The following CDH7 variants were observed in gnomAD, a reference collection of about 807,000 sequenced individuals.
CDH7 encodes cadherin-7.
In CDH7, 25 loss-of-function variants were observed where a neutral mutation model predicts 71.8. The observed-to-expected ratio is 0.35, with a 90% CI of 0.25 to 0.49. The LOEUF (loss-of-function observed/expected upper bound fraction) is 0.49, where lower values mean the gene tolerates loss of function less well. Among genes scored for constraint, CDH7 ranks in the 20% least tolerant of loss-of-function variants. CDH7 has a pLI of 0.99. For missense variants in CDH7, 862 were observed against 974.6 expected, an observed-to-expected ratio of 0.88 and a Z score of 1.54; for synonymous variants, 381 against 363.8, an observed-to-expected ratio of 1.05 and a Z score of -0.54.
At chr18:65,834,453 G>A (rs1168639368) in intron 6 of CDH7, among the ~76,000 whole-genome samples, 1 of 152,122 alleles carries the variant, frequency 6.6e-6, no homozygotes. Flanking sequence ...GAAGGCTTTA[G>A]ACATTTCTTG....
intron 7 of CDH7, among the ~76,000 whole-genome samples, chr18:65,855,634 C>A (rs2333464): frequency 0.62 from 94,793 of 151,900 alleles, 31,938 homozygotes; most frequent in East Asian, 0.92. Context: ...ATATCCAAGC[C>A]CAGATAGCTT....
intron 10 of CDH7, 111 bp from the exon 11 acceptor site, chr18:65,862,555 C>T: frequency 9.2e-7 from 1 of 1,087,130 alleles, no homozygotes; most frequent in East Asian, 2.4e-5. Flanking sequence ...TCTGCAACTC[C>T]AGAGATTTCC....
At chr18:65,806,766 C>G (rs999847663) in intron 2 of CDH7, among the ~76,000 whole-genome samples, 2 of 152,136 alleles carry the variant, frequency 1.3e-5, no homozygotes, top group Non-Finnish European at 2.9e-5. Context: ...CTCTTCTTTG[C>G]TGAGCACTCT....
chr18:65,759,550 C>G (rs1449726424), intron 1 of CDH7, among the ~76,000 whole-genome samples: 1 of 151,988 alleles, frequency 6.6e-6, no homozygotes, highest in Non-Finnish European at 1.5e-5. Context: ...CCACACCCGG[C>G]CCCCATTATC....
intron 2 of CDH7, among the ~76,000 whole-genome samples, chr18:65,775,209 A>C (rs896758863): frequency 6.6e-6 from 1 of 152,180 alleles, no homozygotes; most frequent in African/African-American, 2.4e-5. Context: ...ATGCCAGTGC[A>C]TAGAGAGGAA....
chr18:65,862,650 G>A lies in CDH7; in HGVS notation c.1613-16G>A. 1 of 1,611,074 alleles carries A rather than the reference G, an allele frequency of 6.2e-7. No individual in the cohort carries two copies. Among genetic ancestry groups the A allele is most frequent in the Non-Finnish European group, 8.5e-7 (1 of 1,177,804 alleles). On this transcript the variant is annotated splice_polypyrimidine_tract_variant and intron_variant, in intron 10 of 11. Transcript: ENST00000397968. Reference sequence around the variant, plus strand: ...ATCAGAAATCTGGTGTTATACATTTGCTTTCGTTATCCTAGACAACACAGC... The same window carrying A: ...ATCAGAAATCTGGTGTTATACATTTACTTTCGTTATCCTAGACAACACAGC...
chr18:65,824,370 A>T (rs144511250), intron 5 of CDH7, among the ~76,000 whole-genome samples: 311 of 151,772 alleles, frequency 2.0e-3, no homozygotes, highest in African/African-American at 6.3e-3. Flanking sequence ...TCAGTGTAGG[A>T]TATTTCTCAC....
In CDH7 at chr18:65,885,372, G is replaced by GTTTTTTCTCTTTTTTT. The variant is rs1914342514; in HGVS notation, c.*4484_*4485insCTCTTTTTTTTTTTTT. Reference sequence around the variant, plus strand: ...GTAACTGAAAAGGATGTGTGCCTGTGTTTTTTTTTTTTTTTTTTTTTTTGA... The same window carrying GTTTTTTCTCTTTTTTT: ...GTAACTGAAAAGGATGTGTGCCTGTGTTTTTTCTCTTTTTTTTTTTTTTTTTTTTTTTTTTTTTTGA... On this transcript the variant is annotated 3_prime_UTR_variant, in exon 12 of 12. Coordinates refer to ENST00000397968, the MANE Select transcript of CDH7 (RefSeq NM_004361.5). 1.4e-5 allele frequency: 1 copy of GTTTTTTCTCTTTTTTT among 69,436 alleles called. No homozygotes were observed. 4.3% of individuals were successfully genotyped at this position (69,436 alleles called of 1,614,324 possible).
chr18:65,858,467 T>C (rs909536858), intron 8 of CDH7, among the ~76,000 whole-genome samples: 9 of 151,988 alleles, frequency 5.9e-5, no homozygotes, highest in African/African-American at 2.2e-4. Context: ...GTGTTGATAA[T>C]ACAAATGTAT....
chr18:65,885,370 G>GTGTTTTTTTTTT lies in CDH7; in HGVS notation c.*4478_*4489dup, dbSNP rs1914341763. On this transcript the variant is annotated 3_prime_UTR_variant, in exon 12 of 12. Coordinates refer to ENST00000397968, the MANE Select transcript of CDH7 (RefSeq NM_004361.5). ...ATGTAACTGAAAAGGATGTGTGCCT[G>GTGTTTTTTTTTT]TGTTTTTTTTTTTTTTTTTTTTTTT... The GTGTTTTTTTTTT allele has an allele frequency of 4.7e-5, 1 of 21,330 alleles. No homozygotes were observed. The allele number at this position is 21,330 out of a possible 1,614,324, so 1.3% of individuals were successfully genotyped here.
At chr18:65,847,912 G>A (rs770561503) in intron 7 of CDH7, among the ~76,000 whole-genome samples, 1 of 151,916 alleles carries the variant, frequency 6.6e-6, no homozygotes, top group Non-Finnish European at 1.5e-5. Context: ...AACTAAAATT[G>A]CAGTCAAAGC....
At chr18:65,784,331 A>G (rs559699569) in intron 2 of CDH7, among the ~76,000 whole-genome samples, 117 of 152,276 alleles carry the variant, frequency 7.7e-4, no homozygotes, top group Non-Finnish European at 1.6e-3. Flanking sequence ...AGGAATGAAC[A>G]AAGTGGACAC....
chr18:65,807,848 TG>T (rs373791773), intron 2 of CDH7, among the ~76,000 whole-genome samples: 118 of 152,168 alleles, frequency 7.8e-4, no homozygotes, highest in African/African-American at 2.7e-3. Flanking sequence ...CTTGAAGATT[TG>T]GGGGGGTGAT....
chr18:65,791,141 G>T (rs1227311149), intron 2 of CDH7, among the ~76,000 whole-genome samples: 1 of 152,166 alleles, frequency 6.6e-6, no homozygotes, highest in Non-Finnish European at 1.5e-5. Context: ...CTGAATATTA[G>T]AAATGACACC....
rs1187899786 is a variant in CDH7 at position 65,809,814 on chromosome 18, C to G, written c.321C>G (p.Thr107=). The change falls in exon 3 of 12, where the codon ACC becomes ACG. Residue 107 remains threonine (T), a synonymous_variant. Transcript: ENST00000397968. Reference sequence around the variant, plus strand: ...AGAACACTGGGGATATTCATGCCACCAAGAGACTGGATCGTGAGGAGCAGG... The same window carrying G: ...AGAACACTGGGGATATTCATGCCACGAAGAGACTGGATCGTGAGGAGCAGG... ...IDENTGDIHA[T]KRLDREEQAY... The G allele has an allele frequency of 3.1e-6, 5 of 1,613,980 alleles. No homozygotes were observed. Among genetic ancestry groups the G allele is most frequent in the Non-Finnish European group, 4.2e-6 (5 of 1,179,972 alleles).
chr18:65,827,637 G>T (rs139059791), intron 6 of CDH7, among the ~76,000 whole-genome samples: 1 of 151,774 alleles, frequency 6.6e-6, no homozygotes, highest in African/African-American at 2.4e-5. Flanking sequence ...AGGGGATTGC[G>T]CAAACTTGCT....
At chr18:65,850,165 C>CTA (rs1555689062) in intron 7 of CDH7, among the ~76,000 whole-genome samples, 1 of 20,484 alleles carries the variant, frequency 4.9e-5, no homozygotes, top group Non-Finnish European at 1.5e-4. Context: ...CCCTGCCACA[C>CTA]TATATATAAT....
At chr18:65,877,727 A>G (rs955036338) in intron 11 of CDH7, among the ~76,000 whole-genome samples, 2 of 152,142 alleles carry the variant, frequency 1.3e-5, no homozygotes, top group African/African-American at 4.8e-5. Context: ...ATTTCTCACT[A>G]AGAAGTCCTA....
At chr18:65,822,918 G>A (rs1478515458) in intron 5 of CDH7, among the ~76,000 whole-genome samples, 3 of 151,602 alleles carry the variant, frequency 2.0e-5, no homozygotes, top group Admixed American at 6.6e-5. Flanking sequence ...TGTAAAAAAC[G>A]TTTCATCTCA....
Sources: allele counts gnomAD v4.1 joint callset (sites outside exome capture counted in the v4.1 genomes callset), GRCh38; gene constraint gnomAD v4.1.1; transcripts MANE v1.5; gene names NCBI Gene and HGNC (gene_info 2026-07-23, HGNC 2026-07-21).